The following GNG4 variants were observed in gnomAD, a reference collection of about 807,000 sequenced individuals.
The protein encoded by GNG4 is G protein subunit gamma 4.
GNG4 carries 4 observed loss-of-function variants against 5.8 expected under a neutral mutation model. The ratio of observed to expected loss-of-function variants is 0.69; its 90% CI spans 0.34 to 1.57. GNG4 has a LOEUF of 1.57. Ranked by LOEUF, GNG4 falls within the 40% of genes most tolerant of loss-of-function variation. The pLI is 0.06. For synonymous variants in GNG4, 29 were observed against 32.9 expected (o/e 0.88, Z 0.41); for missense variants, 96 against 95.1 (o/e 1.01, Z -0.04).
At chr1:235,619,768 C>T (rs1342081876) in intron 1 of GNG4, among the ~76,000 whole-genome samples, 1 of 152,172 alleles carries the variant, frequency 6.6e-6, no homozygotes, top group African/African-American at 2.4e-5. Context: ...CAGAAAATAA[C>T]ACTCAAAGTT....
chr1:235,607,437 G>A (rs1414297909), intron 1 of GNG4, among the ~76,000 whole-genome samples: 2 of 152,228 alleles, frequency 1.3e-5, no homozygotes, highest in African/African-American at 4.8e-5. Flanking sequence ...ACAGTGTGTT[G>A]TTCAATGAGG....
intron 1 of GNG4, among the ~76,000 whole-genome samples, chr1:235,632,835 G>A (rs1020427840): frequency 6.6e-6 from 1 of 152,000 alleles, no homozygotes; most frequent in South Asian, 2.1e-4. Context: ...AAAAGAAAAA[G>A]AAAAAACGTA....
At chr1:235,631,490 G>T (rs747277743) in intron 1 of GNG4, among the ~76,000 whole-genome samples, 17 of 152,238 alleles carry the variant, frequency 1.1e-4, no homozygotes, top group Non-Finnish European at 1.9e-4. Flanking sequence ...TCTGAGCGGA[G>T]GCTCGGTGCC....
chr1:235,600,301 T>C (rs933012113), intron 1 of GNG4, among the ~76,000 whole-genome samples: 1 of 151,454 alleles, frequency 6.6e-6, no homozygotes, highest in African/African-American at 2.4e-5. Flanking sequence ...TTTTAGTAGA[T>C]ATGGAGTTTC....
At chr1:235,621,638 A>G (rs1688714050) in intron 1 of GNG4, among the ~76,000 whole-genome samples, 1 of 147,200 alleles carries the variant, frequency 6.8e-6, no homozygotes, top group African/African-American at 2.5e-5. Context: ...TTTATTGTTC[A>G]TATTTCCCTT....
At chr1:235,643,288 T>C (rs1315381840) in intron 1 of GNG4, among the ~76,000 whole-genome samples, 6 of 152,214 alleles carry the variant, frequency 3.9e-5, no homozygotes. Context: ...CCGCCCTGCC[T>C]GGAAAGCCCT....
chr1:235,564,291 G>C (rs749212715), intron 3 of GNG4, among the ~76,000 whole-genome samples: 1 of 152,142 alleles, frequency 6.6e-6, no homozygotes. Context: ...GGTGATGGGG[G>C]GAGGAAGGTA....
rs1571930748 is a variant in GNG4, at chr1:235,644,811, G to A, written c.-123+4851C>T. On this transcript the variant is annotated intron_variant, in intron 1 of 3. Transcript: ENST00000391854. This position sits in a 1 kb window ranked among gnomAD's most constrained non-coding sequence, Gnocchi z 5.9. ...AGGGCGGGTACCCCAGAGCCGCAGGGCAGGGCAGATGGCTCCTCAGATCGG... is the reference window on the plus strand; with the variant it reads ...AGGGCGGGTACCCCAGAGCCGCAGGACAGGGCAGATGGCTCCTCAGATCGG... Among the ~76,000 whole-genome samples, 1 of 152,196 alleles carries A rather than the reference G, an allele frequency of 6.6e-6. No homozygotes were observed. The highest frequency in any genetic ancestry group is 2.4e-5 in the African/African-American group (1 of 41,460).
intron 1 of GNG4, among the ~76,000 whole-genome samples, chr1:235,598,954 T>G (rs1318858194): frequency 6.6e-6 from 1 of 152,138 alleles, no homozygotes; most frequent in Non-Finnish European, 1.5e-5. Flanking sequence ...CTTGAACCCC[T>G]GACCTCAAGT....
At chr1:235,602,951 C>G (rs1688286699) in intron 1 of GNG4, among the ~76,000 whole-genome samples, 1 of 152,032 alleles carries the variant, frequency 6.6e-6, no homozygotes, top group Non-Finnish European at 1.5e-5. Flanking sequence ...ACACAGGGAT[C>G]TAAAAGGGAG....
intron 3 of GNG4, among the ~76,000 whole-genome samples, chr1:235,576,944 T>C (rs1687497866): frequency 6.6e-6 from 1 of 152,190 alleles, no homozygotes; most frequent in South Asian, 2.1e-4. Flanking sequence ...GCTACGTTTT[T>C]CCTCCATGAA....
chr1:235,597,621 TGTGTGTGTA>T (rs1472355489), intron 1 of GNG4, among the ~76,000 whole-genome samples: 5,358 of 110,776 alleles, frequency 0.048, 236 homozygotes, highest in African/African-American at 0.088. Flanking sequence ...TGTGTGTGTG[TGTGTGTGTA>T]TTTTTTTTTT....
At chr1:235,632,954 C>A (rs184495441) in intron 1 of GNG4, among the ~76,000 whole-genome samples, 4 of 152,244 alleles carry the variant, frequency 2.6e-5, no homozygotes, top group African/African-American at 9.6e-5. Flanking sequence ...GGCTGTCACC[C>A]ACGGACACTG....
At chr1:235,554,755 G>A (rs2102910262) in intron 3 of GNG4, among the ~76,000 whole-genome samples, 1 of 148,518 alleles carries the variant, frequency 6.7e-6, no homozygotes, top group Non-Finnish European at 1.5e-5. Context: ...TGAGGCAGGA[G>A]AATCGCTTGA....
chr1:235,618,376 C>T (rs1221933551), intron 1 of GNG4, among the ~76,000 whole-genome samples: 1 of 152,204 alleles, frequency 6.6e-6, no homozygotes, highest in East Asian at 1.9e-4. Context: ...GACGGATATA[C>T]TTGTCTGTAA....
At chr1:235,628,625 A>G (rs1170477681) in intron 1 of GNG4, among the ~76,000 whole-genome samples, 2 of 152,166 alleles carry the variant, frequency 1.3e-5, no homozygotes, top group African/African-American at 4.8e-5. Flanking sequence ...TTCTGGGGAA[A>G]CACTGAGGCA....
chr1:235,605,336 A>G (rs974737117), intron 1 of GNG4, among the ~76,000 whole-genome samples: 2 of 151,990 alleles, frequency 1.3e-5, no homozygotes, highest in African/African-American at 4.8e-5. Context: ...GATTACAGGC[A>G]TGCGCCACCA....
At chr1:235,598,246 C>T (rs1688171695) in intron 1 of GNG4, among the ~76,000 whole-genome samples, 1 of 152,166 alleles carries the variant, frequency 6.6e-6, no homozygotes. Context: ...ATGATAAAAC[C>T]ACTGCTCTAT....
chr1:235,633,362 C>G (rs1467856294), intron 1 of GNG4, among the ~76,000 whole-genome samples: 1 of 152,182 alleles, frequency 6.6e-6, no homozygotes, highest in Non-Finnish European at 1.5e-5. Flanking sequence ...GCCAGCACCC[C>G]TTCACCTGAA....
Sources: allele counts gnomAD v4.1 joint callset (sites outside exome capture counted in the v4.1 genomes callset), GRCh38; gene constraint gnomAD v4.1.1; non-coding constraint Gnocchi (gnomAD v3.1); transcripts MANE v1.5; gene names NCBI Gene and HGNC (gene_info 2026-07-23, HGNC 2026-07-21).